SLC14A2: variants seen among roughly 807,000 people sequenced by gnomAD.
SLC14A2 encodes the protein urea transporter 2.
SLC14A2 carries 91 observed loss-of-function variants against 104.6 expected under a neutral mutation model. That is an observed-to-expected ratio of 0.87 (90% CI 0.73 to 1.04). SLC14A2 has a LOEUF of 1.04. SLC14A2 is among the 50% of genes least tolerant of loss of function. The pLI is 0.00. For missense variants in SLC14A2, 1,189 were observed against 1,156.0 expected (o/e 1.03, Z -0.41); for synonymous variants, 476 against 466.4 (o/e 1.02, Z -0.27).
chr18:45,678,400 A>G (rs2046260263), intron 18 of SLC14A2, among the ~76,000 whole-genome samples: 1 of 152,156 alleles, frequency 6.6e-6, no homozygotes, highest in South Asian at 2.1e-4. Context: ...TCTCAGCGAG[A>G]AATGAAGGGT....
chr18:45,644,221 T>G, intron 10 of SLC14A2, 61 bp downstream of exon 10: 2 of 1,546,922 alleles, frequency 1.3e-6, no homozygotes, highest in South Asian at 2.3e-5. Flanking sequence ...TCTCCCTGTG[T>G]TCTCTGCTCT....
intron 1 of SLC14A2, among the ~76,000 whole-genome samples, chr18:45,235,506 C>A (rs966180004): frequency 2.0e-5 from 3 of 151,968 alleles, no homozygotes; most frequent in Non-Finnish European, 4.4e-5. Flanking sequence ...CTATAGAACG[C>A]TAGAATTTAT....
chr18:45,626,041 C>G (rs1425625087), intron 3 of SLC14A2, among the ~76,000 whole-genome samples, 178 bp downstream of exon 3: 2 of 152,314 alleles, frequency 1.3e-5, no homozygotes, highest in South Asian at 2.1e-4. Context: ...CAGCCCTAAG[C>G]TGACTCCAAG....
intron 2 of SLC14A2, among the ~76,000 whole-genome samples, chr18:45,572,820 G>A (rs557496122): frequency 2.0e-5 from 3 of 152,276 alleles, no homozygotes; most frequent in Admixed American, 6.5e-5. Context: ...AAGATTTCTC[G>A]ATTGTGCAAC....
chr18:45,466,227 G>A (rs1197603933), intron 1 of SLC14A2, among the ~76,000 whole-genome samples: 1 of 152,042 alleles, frequency 6.6e-6, no homozygotes, highest in African/African-American at 2.4e-5. Context: ...TCCACTTTGT[G>A]TGAGACTGCT....
intron 1 of SLC14A2, among the ~76,000 whole-genome samples, chr18:45,372,278 C>G (rs1252292193): frequency 6.6e-6 from 1 of 151,778 alleles, no homozygotes; most frequent in Non-Finnish European, 1.5e-5. Flanking sequence ...TGCCACTGCA[C>G]TCCAGCCTGG....
intron 1 of SLC14A2, among the ~76,000 whole-genome samples, chr18:45,352,516 C>T (rs1485956281): frequency 1.3e-5 from 2 of 152,152 alleles, no homozygotes; most frequent in African/African-American, 2.4e-5. Flanking sequence ...AAATGACTTA[C>T]TGAGGCCCTA....
chr18:45,680,927 C>T (rs1282485961), intron 19 of SLC14A2, among the ~76,000 whole-genome samples: 1 of 152,150 alleles, frequency 6.6e-6, no homozygotes, highest in African/African-American at 2.4e-5. Flanking sequence ...CATGGGTGCC[C>T]CTTACAGACC....
chr18:45,510,885 A>G (rs1403512715), intron 2 of SLC14A2, among the ~76,000 whole-genome samples: 1 of 152,196 alleles, frequency 6.6e-6, no homozygotes, highest in Non-Finnish European at 1.5e-5. Context: ...GAGCGGCTGC[A>G]CTGTTAAATG....
chr18:45,268,576 A>G (rs8088202), intron 1 of SLC14A2, among the ~76,000 whole-genome samples: 1 of 152,176 alleles, frequency 6.6e-6, no homozygotes, highest in Non-Finnish European at 1.5e-5. Flanking sequence ...TCTCTTTGGG[A>G]TAGCAACACG....
chr18:45,279,757 AC>A (rs2084742127), intron 1 of SLC14A2, among the ~76,000 whole-genome samples: 1 of 152,142 alleles, frequency 6.6e-6, no homozygotes, highest in African/African-American at 2.4e-5. Context: ...CCCTTAAGAA[AC>A]TTACAACCAT....
intron 1 of SLC14A2, among the ~76,000 whole-genome samples, chr18:45,375,813 ATC>A (rs1401194268): frequency 6.6e-6 from 1 of 152,122 alleles, no homozygotes; most frequent in African/African-American, 2.4e-5. Context: ...TTTCATCCTT[ATC>A]TCTCCAGCCA....
chr18:45,318,582 G>C (rs1453599560), intron 1 of SLC14A2, among the ~76,000 whole-genome samples: 2 of 152,160 alleles, frequency 1.3e-5, no homozygotes, highest in Admixed American at 1.3e-4. Context: ...GAGGTCAGGA[G>C]TTCGAGACCA....
chr18:45,177,961 G>A, the SLC14A2 span, among the ~76,000 whole-genome samples: 2 of 152,128 alleles, frequency 1.3e-5, no homozygotes, highest in African/African-American at 4.8e-5. Context: ...TATAGAAGAT[G>A]GAGAAGTTCC....
At chr18:45,549,341 G>A (rs993852773) in intron 2 of SLC14A2, among the ~76,000 whole-genome samples, 4 of 152,226 alleles carry the variant, frequency 2.6e-5, no homozygotes, top group African/African-American at 9.6e-5. Context: ...TGTGCTACCA[G>A]CATGGCAGGG....
intron 2 of SLC14A2, among the ~76,000 whole-genome samples, chr18:45,610,267 G>C (rs1351029133): frequency 6.6e-6 from 1 of 152,174 alleles, no homozygotes; most frequent in Non-Finnish European, 1.5e-5. Context: ...AGGTGAAGCT[G>C]ATGCTGAACC....
intron 1 of SLC14A2, among the ~76,000 whole-genome samples, chr18:45,461,625 C>G (rs1171875266): frequency 6.6e-6 from 1 of 152,140 alleles, no homozygotes; most frequent in Admixed American, 6.5e-5. Flanking sequence ...TGTGCACAGT[C>G]AGAATCAGCC....
intron 2 of SLC14A2, among the ~76,000 whole-genome samples, chr18:45,569,308 A>G (rs1352606882): frequency 6.6e-6 from 1 of 152,190 alleles, no homozygotes; most frequent in Non-Finnish European, 1.5e-5. Flanking sequence ...TAGCCTATAA[A>G]TGCTCTCAAC....
At chr18:45,611,671 G>C (rs1357371882), upstream of SLC14A2, among the ~76,000 whole-genome samples, 1 of 152,198 alleles carries the variant, frequency 6.6e-6, no homozygotes, top group Non-Finnish European at 1.5e-5. Flanking sequence ...GAGAACCTTA[G>C]GGAAGAGTCC....
Sources: allele counts gnomAD v4.1 joint callset (sites outside exome capture counted in the v4.1 genomes callset), GRCh38; gene constraint gnomAD v4.1.1; transcripts MANE v1.5; gene names NCBI Gene and HGNC (gene_info 2026-07-23, HGNC 2026-07-21).